The following FOXP1 variants were observed in gnomAD, a reference collection of about 807,000 sequenced individuals.
FOXP1 encodes the protein forkhead box P1.
Under a neutral mutation model 98.2 loss-of-function variants are expected in FOXP1, and 15 were observed. The ratio of observed to expected loss-of-function variants is 0.15; its 90% CI spans 0.10 to 0.24. FOXP1 has a LOEUF of 0.24. Ranked by LOEUF, FOXP1 falls within the 10% of genes least tolerant of loss-of-function variation. FOXP1 has a pLI of 1.00. For missense variants in FOXP1, 633 were observed against 848.5 expected (o/e 0.75, Z 3.15); for synonymous variants, 371 against 314.5 (o/e 1.18, Z -1.90).
intron 2 of FOXP1, among the ~76,000 whole-genome samples, chr3:71,517,178 CTGAAGG>C (rs2042640589): frequency 1.4e-5 from 2 of 145,080 alleles, no homozygotes; most frequent in Non-Finnish European, 3.1e-5. Context: ...TTAACCTACA[CTGAAGG>C]TGATCTATCA....
intron 3 of FOXP1, among the ~76,000 whole-genome samples, chr3:71,490,805 T>C (rs1465506049): frequency 6.6e-6 from 1 of 152,206 alleles, no homozygotes; most frequent in Non-Finnish European, 1.5e-5. Flanking sequence ...TGTGGTTTTG[T>C]TAAATTTCAT....
intron 5 of FOXP1, among the ~76,000 whole-genome samples, chr3:71,252,144 G>A (rs538352017): frequency 5.3e-5 from 8 of 151,458 alleles, no homozygotes; most frequent in Non-Finnish European, 7.4e-5. Context: ...CTCTCTCACC[G>A]CTCTGTCCTT....
At chr3:71,006,526 G>A (rs960931365) in intron 12 of FOXP1, among the ~76,000 whole-genome samples, 1 of 152,112 alleles carries the variant, frequency 6.6e-6, no homozygotes, top group African/African-American at 2.4e-5. Context: ...TTTATTGAAA[G>A]GAAAATCGCT....
chr3:71,419,466 G>C (rs2083467652), intron 3 of FOXP1, among the ~76,000 whole-genome samples: 1 of 151,886 alleles, frequency 6.6e-6, no homozygotes, highest in Admixed American at 6.6e-5. Flanking sequence ...GATGTTTACA[G>C]AAGCTGTAGG....
In FOXP1 at chr3:71,112,587, T is replaced by TTGC. The variant is rs746026078; in HGVS notation, c.228_230dup (p.Gln77dup). Reference sequence around the variant, plus strand: ...TCTTGGGAGATTTTAATCCACTAACTTGCTGCTGCTGTTGCTGCTGAAGAA... The same window carrying TTGC: ...TCTTGGGAGATTTTAATCCACTAACTTGCTGCTGCTGCTGTTGCTGCTGAAGAA... On this transcript the variant is annotated inframe_insertion, in exon 7 of 21. Transcript: ENST00000649528. 3.1e-6 allele frequency: 5 copies of TTGC among 1,614,108 alleles called. No homozygotes were observed. The highest frequency in any genetic ancestry group is 3.4e-6 in the Non-Finnish European group (4 of 1,179,944).
chr3:71,452,954 T>C (rs2087108266), intron 3 of FOXP1, among the ~76,000 whole-genome samples: 1 of 152,186 alleles, frequency 6.6e-6, no homozygotes, highest in African/African-American at 2.4e-5. Context: ...CCCAAAGTCC[T>C]GACAACAACT....
intron 3 of FOXP1, among the ~76,000 whole-genome samples, chr3:71,412,586 G>C (rs1198458122): frequency 6.6e-6 from 1 of 152,174 alleles, no homozygotes; most frequent in Non-Finnish European, 1.5e-5. Flanking sequence ...TTACCCAAGA[G>C]GGATGCACCA....
chr3:71,204,212 AAAG>A (rs974622145), intron 5 of FOXP1, among the ~76,000 whole-genome samples: 2 of 152,208 alleles, frequency 1.3e-5, no homozygotes, highest in Non-Finnish European at 2.9e-5. Context: ...ACTGAGGAAA[AAAG>A]AAGACCAACC....
chr3:71,480,611 C>T (rs1338336437), intron 3 of FOXP1, among the ~76,000 whole-genome samples: 3 of 152,154 alleles, frequency 2.0e-5, no homozygotes, highest in Non-Finnish European at 4.4e-5. Context: ...GGAAACAATG[C>T]ACATGGTCAC....
At chr3:71,266,189 A>G (rs2069638695) in intron 5 of FOXP1, among the ~76,000 whole-genome samples, 1 of 152,304 alleles carries the variant, frequency 6.6e-6, no homozygotes, top group East Asian at 1.9e-4. Context: ...AAAGCCACCT[A>G]GCCCAGGACT....
In FOXP1 at chr3:70,972,696, G is replaced by A. The variant is rs551978307; in HGVS notation, c.1531-20C>T. ...TGCATTCTGCAGCAAGTATAAAAGA[G>A]AGAACATTTACATTTTCTATAAGAA... On this transcript the variant is annotated intron_variant, in intron 17 of 20. Coordinates refer to ENST00000649528, the MANE Select transcript of FOXP1 (RefSeq NM_001349338.3). The A allele has an allele frequency of 1.2e-6, 2 of 1,613,196 alleles. No individual in the cohort carries two copies. The highest frequency in any genetic ancestry group is 1.3e-5 in the African/African-American group (1 of 74,968).
At chr3:71,373,894 A>G (rs529687357) in intron 3 of FOXP1, among the ~76,000 whole-genome samples, 87 of 152,308 alleles carry the variant, frequency 5.7e-4, no homozygotes, top group African/African-American at 2.0e-3. Context: ...GTGGCTATAC[A>G]CTGGGGTTTG....
intron 6 of FOXP1, among the ~76,000 whole-genome samples, chr3:71,189,481 G>T (rs1237688558): frequency 3.3e-5 from 5 of 152,196 alleles, no homozygotes; most frequent in Non-Finnish European, 7.3e-5. Flanking sequence ...TCTTTCTGTA[G>T]AAGTCTTTTT....
chr3:71,503,348 G>A (rs1441182173), intron 2 of FOXP1, among the ~76,000 whole-genome samples: 1 of 152,036 alleles, frequency 6.6e-6, no homozygotes, highest in Non-Finnish European at 1.5e-5. Context: ...AATAAATAAA[G>A]CCCCCAGCCC....
At chr3:71,345,621 T>C (rs1027913423) in intron 4 of FOXP1, among the ~76,000 whole-genome samples, 1 of 152,000 alleles carries the variant, frequency 6.6e-6, no homozygotes, top group Admixed American at 6.6e-5. Context: ...TCCCTGCTTA[T>C]TTTGGCGATG....
intron 6 of FOXP1, among the ~76,000 whole-genome samples, chr3:71,191,079 C>A (rs1262980965): frequency 1.3e-5 from 2 of 152,166 alleles, no homozygotes; most frequent in Non-Finnish European, 2.9e-5. Context: ...CTATGCACTA[C>A]CTAAAAGTAC....
At chr3:71,575,155 T>C (rs114188623) in intron 2 of FOXP1, among the ~76,000 whole-genome samples, 328 of 152,312 alleles carry the variant, frequency 2.2e-3, no homozygotes, top group African/African-American at 7.4e-3. Context: ...ACAGCTCTGC[T>C]GTGATTCCAA....
intron 14 of FOXP1, among the ~76,000 whole-genome samples, chr3:70,986,920 GT>G (rs1185734636): frequency 2.0e-5 from 3 of 152,116 alleles, no homozygotes; most frequent in African/African-American, 7.2e-5. Context: ...GTCTGACTCC[GT>G]TTTATTTCTA....
chr3:71,533,454 A>G, intron 2 of FOXP1, among the ~76,000 whole-genome samples: 1 of 152,220 alleles, frequency 6.6e-6, no homozygotes, highest in East Asian at 1.9e-4. Context: ...ATACAGCAAT[A>G]TATTATATAT....
Sources: gnomAD v4.1 joint callset for allele counts (sites outside exome capture counted in the v4.1 genomes callset) on GRCh38, gnomAD v4.1.1 for gene constraint, MANE v1.5 for transcripts, NCBI Gene and HGNC (gene_info 2026-07-23, HGNC 2026-07-21) for gene names.